Variants in SSBP2 observed in about 807,000 individuals in gnomAD.
SSBP2 encodes single-stranded DNA-binding protein 2.
SSBP2 carries 17 observed loss-of-function variants against 61.8 expected under a neutral mutation model. The observed-to-expected ratio is 0.28, with a 90% CI of 0.19 to 0.41. The LOEUF is 0.41. Ranked by LOEUF, SSBP2 falls within the 10% of genes least tolerant of loss-of-function variation. The pLI is 1.00. For missense variants in SSBP2, 310 were observed against 458.7 expected (o/e 0.68, Z 2.96); for synonymous variants, 139 against 141.3 (o/e 0.98, Z 0.12).
intron 2 of SSBP2, among the ~76,000 whole-genome samples, chr5:81,637,692 A>G (rs1230580413): frequency 6.6e-6 from 1 of 152,202 alleles, no homozygotes; most frequent in Admixed American, 6.5e-5. Context: ...TGAGGAAAAA[A>G]CTGGTTAGTA....
chr5:81,728,963 T>C (rs1482431300), intron 1 of SSBP2, among the ~76,000 whole-genome samples: 1 of 152,234 alleles, frequency 6.6e-6, no homozygotes, highest in Non-Finnish European at 1.5e-5. Flanking sequence ...GTCAGTATTC[T>C]GTATTTTAAA....
intron 6 of SSBP2, among the ~76,000 whole-genome samples, chr5:81,485,329 A>G (rs989484716): frequency 2.6e-5 from 4 of 152,206 alleles, no homozygotes; most frequent in Middle Eastern, 3.4e-3. Context: ...ACCCCTTCCT[A>G]TATTTTTACA....
intron 4 of SSBP2, among the ~76,000 whole-genome samples, chr5:81,531,970 C>G (rs115189258): frequency 6.6e-6 from 1 of 152,014 alleles, no homozygotes; most frequent in East Asian, 1.9e-4. Flanking sequence ...TCCAAATGTT[C>G]TCAGTTTTCT....
chr5:81,654,744 A>G (rs1240586168), intron 1 of SSBP2, among the ~76,000 whole-genome samples: 2 of 152,190 alleles, frequency 1.3e-5, no homozygotes, highest in Non-Finnish European at 2.9e-5. Flanking sequence ...TTTGAACACA[A>G]ATGATTCCGG....
chr5:81,711,627 A>C (rs1316832985), intron 1 of SSBP2, among the ~76,000 whole-genome samples: 1 of 151,966 alleles, frequency 6.6e-6, no homozygotes, highest in Non-Finnish European at 1.5e-5. Context: ...TCTGCATACT[A>C]TTTATGATAA....
intron 1 of SSBP2, among the ~76,000 whole-genome samples, chr5:81,714,087 G>T (rs1754999029): frequency 6.6e-6 from 1 of 152,042 alleles, no homozygotes; most frequent in Non-Finnish European, 1.5e-5. Context: ...GCCCTGGTGT[G>T]TGGTGTTTCC....
At chr5:81,542,667 T>C (rs1212222360) in intron 4 of SSBP2, among the ~76,000 whole-genome samples, 1 of 151,796 alleles carries the variant, frequency 6.6e-6, no homozygotes, top group African/African-American at 2.4e-5. Context: ...CTCACCCAAA[T>C]CTCATCTGGA....
At chr5:81,519,874 T>C (rs1769327187) in intron 4 of SSBP2, among the ~76,000 whole-genome samples, 1 of 152,180 alleles carries the variant, frequency 6.6e-6, no homozygotes, top group African/African-American at 2.4e-5. Flanking sequence ...TTACTTTTTT[T>C]CTGTTTCATT....
At chr5:81,542,208 C>G (rs1193345091) in intron 4 of SSBP2, among the ~76,000 whole-genome samples, 1 of 152,096 alleles carries the variant, frequency 6.6e-6, no homozygotes, top group African/African-American at 2.4e-5. Flanking sequence ...ATCAAGACCA[C>G]AATGAGATAC....
chr5:81,685,281 C>A (rs1220825378), intron 1 of SSBP2, among the ~76,000 whole-genome samples: 1 of 152,108 alleles, frequency 6.6e-6, no homozygotes, highest in African/African-American at 2.4e-5. Context: ...TAGACTAATA[C>A]AGTATGATAC....
chr5:81,703,277 G>T (rs959621108), intron 1 of SSBP2, among the ~76,000 whole-genome samples: 2 of 152,164 alleles, frequency 1.3e-5, no homozygotes, highest in African/African-American at 4.8e-5. Context: ...ATTCAGCCAT[G>T]AATACAACAT....
chr5:81,568,224 G>T (rs116219608), intron 4 of SSBP2, among the ~76,000 whole-genome samples: 7,621 of 152,172 alleles, frequency 0.05, 628 homozygotes, highest in African/African-American at 0.17. Flanking sequence ...ATTGTGGAAG[G>T]GACCTGGTGG....
At chr5:81,651,870 G>A (rs1051777563) in intron 1 of SSBP2, among the ~76,000 whole-genome samples, 1 of 152,090 alleles carries the variant, frequency 6.6e-6, no homozygotes, top group African/African-American at 2.4e-5. Flanking sequence ...TGCCCATGAT[G>A]GCAAATTGTA....
At chr5:81,528,657 T>C (rs1436179769) in intron 4 of SSBP2, among the ~76,000 whole-genome samples, 3 of 152,040 alleles carry the variant, frequency 2.0e-5, no homozygotes, top group Admixed American at 1.3e-4. Context: ...AATGGAGCCA[T>C]AAAATAATCA....
chr5:81,543,506 G>C (rs897709636), intron 4 of SSBP2, among the ~76,000 whole-genome samples: 3 of 152,112 alleles, frequency 2.0e-5, no homozygotes, highest in Non-Finnish European at 4.4e-5. Context: ...CTACTAGAGG[G>C]GAGAGGAAGA....
rs1317661037 is a variant in SSBP2 at position 81,615,593 on chromosome 5, T to C, written c.198-36A>G. On this transcript the variant is annotated intron_variant, in intron 3 of 16. Coordinates refer to ENST00000320672, the MANE Select transcript of SSBP2 (RefSeq NM_012446.5). Reference sequence around the variant, plus strand: ...AATCATGGTAACATTAAGAAAATCATACAACACCAATATGAGAAATCACAA... The same window carrying C: ...AATCATGGTAACATTAAGAAAATCACACAACACCAATATGAGAAATCACAA... The C allele has an allele frequency of 3.8e-6, 5 of 1,330,638 alleles. No individual in the cohort carries two copies. In the Admixed American group the frequency reaches 5.4e-5, roughly 14 times the overall value. 82.4% of individuals were successfully genotyped at this position (1,330,638 alleles called of 1,614,324 possible).
At position 81,448,828 on chromosome 5, in the gene SSBP2, G is replaced by A; in HGVS notation, c.688-3C>T. 1.2e-6 allele frequency: 2 copies of A among 1,612,502 alleles called. No homozygotes were observed. Among genetic ancestry groups the A allele is most frequent in the Non-Finnish European group, 1.7e-6 (2 of 1,179,402 alleles). ...GGAGATGCTGAGGAGTATGGTATCT[G>A]GAACACGAATAGGACAAAAAAATTT... On this transcript the variant is annotated splice_region_variant and splice_polypyrimidine_tract_variant and intron_variant, in intron 10 of 16. Coordinates refer to ENST00000320672, the MANE Select transcript of SSBP2 (RefSeq NM_012446.5).
rs566177795 is a variant in SSBP2 at position 81,515,156 on chromosome 5, A to G, written c.283-1439T>C. 3.0e-4 allele frequency among the ~76,000 whole-genome samples: 45 copies of G among 152,100 alleles called. No individual in the cohort carries two copies. The South Asian group carries it at 6.2e-3, about 21-fold the overall frequency. The stretch of plus-strand genomic sequence containing the variant: ...AACTAAACTTGCGTAAAATTTTAAT[A>G]CAACAATGTTACAGTAAGAAGAAAA... On this transcript the variant is annotated intron_variant, in intron 4 of 16. Transcript: ENST00000320672.
Position 81,432,771 on chromosome 5 carries a change from CCCGCCCGG to C in SSBP2, c.958-4096_958-4089del, listed in dbSNP as rs1762380564. Among the ~76,000 whole-genome samples, 5 of 122,932 alleles carry C rather than the reference CCCGCCCGG, an allele frequency of 4.1e-5. No homozygotes were observed. In the South Asian group the frequency reaches 1.1e-3, roughly 28 times the overall value. The allele number at this position is 122,932 out of a possible 152,430, so 80.6% of individuals were successfully genotyped here. On this transcript the variant is annotated intron_variant, in intron 15 of 16. Transcript: ENST00000320672. ...CGGGAGGGAGGTGGGGGGGTCAGCC[CCCGCCCGG>C]CCAGCTGCCCCGTCCGGGAGGGAGG...
Sources: gnomAD v4.1 joint callset for allele counts (sites outside exome capture counted in the v4.1 genomes callset) on GRCh38, gnomAD v4.1.1 for gene constraint, MANE v1.5 for transcripts, NCBI Gene and HGNC (gene_info 2026-07-23, HGNC 2026-07-21) for gene names.